The following AOPEP variants were observed in gnomAD, a reference collection of about 807,000 sequenced individuals.
AOPEP encodes the protein aminopeptidase O.
In AOPEP, 77 loss-of-function variants were observed where a neutral mutation model predicts 98.1. That is an observed-to-expected ratio of 0.78 (90% CI 0.65 to 0.95). AOPEP has a LOEUF of 0.95. Among genes scored for constraint, AOPEP ranks in the 40% least tolerant of loss-of-function variants. The pLI is 0.00. For missense variants in AOPEP, 1,024 were observed against 1,024.7 expected (o/e 1.00, Z 0.01); for synonymous variants, 346 against 365.3 (o/e 0.95, Z 0.60).
At chr9:95,070,006 A>C (rs552876833) in intron 14 of AOPEP, among the ~76,000 whole-genome samples, 2 of 152,364 alleles carry the variant, frequency 1.3e-5, no homozygotes, top group South Asian at 4.1e-4. Flanking sequence ...GCCCTTCAGA[A>C]ATAAGGAGCA....
chr9:94,803,414 G>A (rs915292729), intron 5 of AOPEP, among the ~76,000 whole-genome samples: 10 of 152,114 alleles, frequency 6.6e-5, no homozygotes, highest in African/African-American at 2.4e-4. Flanking sequence ...TATTAATCAT[G>A]TTAAGCAGTT....
At chr9:94,779,025 T>G (rs1564118326) in intron 3 of AOPEP, among the ~76,000 whole-genome samples, 1 of 140,468 alleles carries the variant, frequency 7.1e-6, no homozygotes, top group African/African-American at 2.6e-5. Flanking sequence ...TGATACTGTC[T>G]AAAAAAAAAA....
chr9:94,742,592 G>A (rs1428489206), intron 1 of AOPEP, among the ~76,000 whole-genome samples: 7 of 151,902 alleles, frequency 4.6e-5, no homozygotes, highest in Non-Finnish European at 7.4e-5. Context: ...GCGCCACCAC[G>A]CCTGGCTAAT....
At chr9:94,983,898 G>A (rs2060349774) in intron 11 of AOPEP, among the ~76,000 whole-genome samples, 2 of 137,958 alleles carry the variant, frequency 1.4e-5, no homozygotes, top group Admixed American at 1.7e-4. Flanking sequence ...GCCTCATCCT[G>A]TAGTACCTGT....
chr9:94,840,289 G>GCA (rs2042126027), intron 5 of AOPEP, among the ~76,000 whole-genome samples: 2 of 152,074 alleles, frequency 1.3e-5, no homozygotes, highest in Non-Finnish European at 2.9e-5. Context: ...TCAATATGTT[G>GCA]GATTACAGTG....
chr9:94,975,309 CTCTG>C (rs1035882072), intron 10 of AOPEP, among the ~76,000 whole-genome samples: 2 of 152,080 alleles, frequency 1.3e-5, no homozygotes, highest in African/African-American at 4.8e-5. Flanking sequence ...ATAGATGATA[CTCTG>C]TCTATTGTGT....
rs61533607 is a variant in AOPEP at position 94,952,803 on chromosome 9, T to A, written c.1662-2374T>A. Among the ~76,000 whole-genome samples the A allele has an allele frequency of 1.1e-4, 17 of 152,372 alleles. No individual in the cohort carries two copies. In the East Asian group the frequency reaches 3.3e-3, roughly 29 times the overall value. The stretch of plus-strand genomic sequence containing the variant: ...GCAAGCTGCTATCAAAGGAATCTCT[T>A]GGGGACTTGTATATTGGCTTTGAAT... On this transcript the variant is annotated intron_variant, in intron 7 of 16. Transcript: ENST00000375315.
chr9:94,881,564 A>AG (rs143361596), intron 5 of AOPEP, among the ~76,000 whole-genome samples: 2,624 of 152,238 alleles, frequency 0.017, 84 homozygotes, highest in African/African-American at 0.06. Context: ...CAAAATGTTC[A>AG]GCTAAGGCCA....
At chr9:95,033,087 G>A (rs1431837946) in intron 13 of AOPEP, among the ~76,000 whole-genome samples, 4 of 152,218 alleles carry the variant, frequency 2.6e-5, no homozygotes, top group Non-Finnish European at 5.9e-5. Context: ...GCTTCAGCCA[G>A]CGCAGCCAGC....
intron 13 of AOPEP, among the ~76,000 whole-genome samples, chr9:95,051,178 C>T (rs1474147719): frequency 6.6e-6 from 1 of 151,764 alleles, no homozygotes; most frequent in Admixed American, 6.6e-5. Flanking sequence ...CAACCTCCGC[C>T]TCCCAGGTTC....
rs1370013690 is a variant in AOPEP at position 95,060,745 on chromosome 9, ACT to A, written c.2170_2171del (p.Leu724GlufsTer27). The stretch of plus-strand genomic sequence containing the variant: ...TCTGGAGCATCTCTTGGAGCAGAAG[ACT>A]CTGAGCCCCCGAACTCTGCAAAGCC... ...LLLEHLLEQK[T>X]LSPRTLQSLQ... is the part of the protein sequence containing the mutation. On this transcript the variant is annotated frameshift_variant, in exon 14 of 17. Coordinates refer to ENST00000375315, the MANE Select transcript of AOPEP (RefSeq NM_001193329.3). LOFTEE classifies it high-confidence loss of function. The A allele has an allele frequency of 6.2e-7, 1 of 1,613,930 alleles. No individual in the cohort carries two copies.
At chr9:94,764,804 T>C (rs1839179812) in intron 2 of AOPEP, among the ~76,000 whole-genome samples, 1 of 152,122 alleles carries the variant, frequency 6.6e-6, no homozygotes, top group African/African-American at 2.4e-5. Context: ...ATGCCAGTAA[T>C]AGGGAAAGCT....
Position 95,018,634 on chromosome 9 carries a change from G to A in AOPEP, c.2115+13018G>A, listed in dbSNP as rs563624667. On this transcript the variant is annotated intron_variant, in intron 13 of 16. Coordinates refer to ENST00000375315, the MANE Select transcript of AOPEP (RefSeq NM_001193329.3). Reference sequence around the variant, plus strand: ...TCTTTTTATCCTTTCAAAATCATCTGTTCTTATCCTCTCTGGAATTGTGTC... The same window carrying A: ...TCTTTTTATCCTTTCAAAATCATCTATTCTTATCCTCTCTGGAATTGTGTC... Among the ~76,000 whole-genome samples the A allele has an allele frequency of 2.6e-4, 39 of 152,312 alleles. 1 individual carries two copies. The highest frequency in any genetic ancestry group is 8.9e-4 in the African/African-American group (37 of 41,572).
chr9:94,905,778 AGAT>A, intron 5 of AOPEP, among the ~76,000 whole-genome samples: 1 of 152,308 alleles, frequency 6.6e-6, no homozygotes, highest in Non-Finnish European at 1.5e-5. Flanking sequence ...ATCAATGATC[AGAT>A]GATAACACCC....
At chr9:94,916,511 T>A (rs1354254228) in intron 5 of AOPEP, among the ~76,000 whole-genome samples, 1 of 152,076 alleles carries the variant, frequency 6.6e-6, no homozygotes, top group Non-Finnish European at 1.5e-5. Flanking sequence ...AAGACCATCC[T>A]GGCCAACATG....
At chr9:94,915,556 C>T (rs2052678430) in intron 5 of AOPEP, among the ~76,000 whole-genome samples, 1 of 152,082 alleles carries the variant, frequency 6.6e-6, no homozygotes, top group Non-Finnish European at 1.5e-5. Flanking sequence ...ACCAGAGTTA[C>T]CCTTGCTTTG....
chr9:94,760,691 A>G, intron 2 of AOPEP, 111 bp downstream of exon 2: 1 of 864,060 alleles, frequency 1.2e-6, no homozygotes, highest in Non-Finnish European at 1.7e-6. Flanking sequence ...CTTCTGTGAC[A>G]TTACCCAAGT....
At chr9:95,108,256 A>G in the AOPEP span, among the ~76,000 whole-genome samples, 4 of 152,226 alleles carry the variant, frequency 2.6e-5, no homozygotes, top group Non-Finnish European at 5.9e-5. Flanking sequence ...AAACTGCACC[A>G]TCGGGCTCTT....
chr9:94,734,111 T>C (rs1831192821), intron 1 of AOPEP, among the ~76,000 whole-genome samples: 1 of 152,140 alleles, frequency 6.6e-6, no homozygotes, highest in Non-Finnish European at 1.5e-5. Context: ...TCTGAGTTTA[T>C]ACTTGAGCTT....
Sources: allele counts gnomAD v4.1 joint callset (sites outside exome capture counted in the v4.1 genomes callset), GRCh38; gene constraint gnomAD v4.1.1; transcripts MANE v1.5; gene names NCBI Gene and HGNC (gene_info 2026-07-23, HGNC 2026-07-21).